MBNL2: variants seen among roughly 807,000 people sequenced by gnomAD.
MBNL2 encodes muscleblind-like protein 2.
In MBNL2, 17 loss-of-function variants were observed where a neutral mutation model predicts 41.9. That is an observed-to-expected ratio of 0.41 (90% CI 0.28 to 0.61). The LOEUF (loss-of-function observed/expected upper bound fraction) is 0.61, where lower values mean the gene tolerates loss of function less well. Among genes scored for constraint, MBNL2 ranks in the 20% least tolerant of loss-of-function variants. The pLI is 0.35. For missense variants in MBNL2, 336 were observed against 505.6 expected (o/e 0.66, Z 3.22); for synonymous variants, 195 against 182.9 (o/e 1.07, Z -0.53).
At chr13:97,218,443 A>AACAAAAC (rs761126259), upstream of MBNL2, among the ~76,000 whole-genome samples, 3 of 143,454 alleles carry the variant, frequency 2.1e-5, no homozygotes, top group East Asian at 2.0e-4. Context: ...AACAAAACAA[A>AACAAAAC]AAAAAAAAAC....
At chr13:97,184,929 C>T in the MBNL2 span, among the ~76,000 whole-genome samples, 1 of 152,096 alleles carries the variant, frequency 6.6e-6, no homozygotes, top group Admixed American at 6.5e-5. Context: ...CTGTAGAATG[C>T]TTGAGAATTA....
At chr13:97,390,425 T>C (rs2066305222) in intron 8 of MBNL2, among the ~76,000 whole-genome samples, 1 of 152,236 alleles carries the variant, frequency 6.6e-6, no homozygotes, top group Admixed American at 6.5e-5. Context: ...TTACCAGTTA[T>C]TTCCTAACAG....
chr13:97,320,469 GATGGTCTTGAT>G (rs1465136659), intron 2 of MBNL2, among the ~76,000 whole-genome samples: 1 of 151,730 alleles, frequency 6.6e-6, no homozygotes, highest in Non-Finnish European at 1.5e-5. Flanking sequence ...TGTTAGCCAG[GATGGTCTTGAT>G]CTCCGGACCT....
At chr13:97,168,800 T>G in the MBNL2 span, among the ~76,000 whole-genome samples, 1 of 152,242 alleles carries the variant, frequency 6.6e-6, no homozygotes, top group Non-Finnish European at 1.5e-5. Flanking sequence ...AGTCATGTTT[T>G]ACAGAAACAG....
intron 1 of MBNL2, among the ~76,000 whole-genome samples, chr13:97,265,175 G>C (rs2049485498): frequency 6.6e-6 from 1 of 152,104 alleles, no homozygotes; most frequent in South Asian, 2.1e-4. Context: ...CCTGGAAATG[G>C]CAATGAAAAG....
intron 2 of MBNL2, among the ~76,000 whole-genome samples, chr13:97,329,178 G>A (rs550842082): frequency 6.6e-6 from 1 of 152,058 alleles, no homozygotes; most frequent in Non-Finnish European, 1.5e-5. Flanking sequence ...CTTGAGGTTC[G>A]AACTTGATTC....
At chr13:97,354,950 C>A (rs1040144998) in intron 5 of MBNL2, among the ~76,000 whole-genome samples, 1 of 152,124 alleles carries the variant, frequency 6.6e-6, no homozygotes, top group Non-Finnish European at 1.5e-5. Context: ...GGCTTTGTAA[C>A]CTTCTTTAGC....
chr13:97,343,386 G>A (rs143559455), intron 4 of MBNL2, among the ~76,000 whole-genome samples, 170 bp downstream of exon 4: 2 of 152,284 alleles, frequency 1.3e-5, no homozygotes, highest in South Asian at 2.1e-4. Flanking sequence ...TGAAGTTAAG[G>A]CCAAGTATAA....
At chr13:97,361,256 AG>A (rs1356167408) in intron 7 of MBNL2, among the ~76,000 whole-genome samples, 1 of 152,256 alleles carries the variant, frequency 6.6e-6, no homozygotes, top group African/African-American at 2.4e-5. Context: ...TTTCTGAAGT[AG>A]GAGAAATTTG....
the MBNL2 span, among the ~76,000 whole-genome samples, chr13:97,177,830 G>C: frequency 4.6e-5 from 7 of 152,226 alleles, no homozygotes; most frequent in African/African-American, 1.7e-4. Flanking sequence ...AATAACATCA[G>C]AATTCTCAAT....
At chr13:97,314,014 T>C (rs1316549) in intron 2 of MBNL2, among the ~76,000 whole-genome samples, 65,655 of 151,996 alleles carry the variant, frequency 0.43, 14,791 homozygotes, top group East Asian at 0.55. Flanking sequence ...TTCTAGTGCA[T>C]TAACCCTCCA....
chr13:97,161,937 A>G, the MBNL2 span, among the ~76,000 whole-genome samples: 1 of 152,202 alleles, frequency 6.6e-6, no homozygotes. Context: ...TTGCATTGTT[A>G]TAAGGAAATA....
At chr13:97,143,216 A>G in the MBNL2 span, among the ~76,000 whole-genome samples, 1 of 152,222 alleles carries the variant, frequency 6.6e-6, no homozygotes, top group Non-Finnish European at 1.5e-5. Context: ...CACTGAGGGA[A>G]GCATTTGAAA....
upstream of MBNL2, among the ~76,000 whole-genome samples, chr13:97,221,189 G>T (rs2040826087): frequency 6.6e-6 from 1 of 152,116 alleles, no homozygotes; most frequent in South Asian, 2.1e-4. Context: ...CGTGCATTGG[G>T]TTCAACCTTT....
intron 1 of MBNL2, among the ~76,000 whole-genome samples, chr13:97,232,093 CGAA>C (rs34389698): frequency 0.43 from 65,841 of 151,898 alleles, 17,216 homozygotes; most frequent in Non-Finnish European, 0.57. Flanking sequence ...GTAATAGAAA[CGAA>C]GACATTATGA....
chr13:97,326,670 T>G (rs1338231176), intron 2 of MBNL2, among the ~76,000 whole-genome samples: 1 of 152,198 alleles, frequency 6.6e-6, no homozygotes, highest in Non-Finnish European at 1.5e-5. Context: ...GTGATTGCAT[T>G]TTATTTGCTA....
At chr13:97,270,259 G>A (rs1037230491) in intron 1 of MBNL2, among the ~76,000 whole-genome samples, 2 of 152,114 alleles carry the variant, frequency 1.3e-5, no homozygotes, top group African/African-American at 4.8e-5. Flanking sequence ...AAAGGAAGCA[G>A]GTGAGATCAA....
upstream of MBNL2, chr13:97,221,313 A>C (rs2040838696): frequency 6.6e-6 from 1 of 152,172 alleles, no homozygotes; most frequent in East Asian, 1.9e-4. Context: ...TGTTTGCTCA[A>C]TGCCATATGT....
intron 4 of MBNL2, among the ~76,000 whole-genome samples, chr13:97,344,912 G>A (rs1357270831): frequency 2.6e-5 from 4 of 152,352 alleles, no homozygotes; most frequent in African/African-American, 9.6e-5. Context: ...GAAGTCAGCT[G>A]CACACAAAGC....
Sources: allele counts gnomAD v4.1 joint callset (sites outside exome capture counted in the v4.1 genomes callset), GRCh38; gene constraint gnomAD v4.1.1; transcripts MANE v1.5; gene names NCBI Gene and HGNC (gene_info 2026-07-23, HGNC 2026-07-21).